DAPK1: variants seen among roughly 807,000 people sequenced by gnomAD.
The protein encoded by DAPK1 is death associated protein kinase 1, also known as death-associated protein kinase 1.
Under a neutral mutation model 144.9 loss-of-function variants are expected in DAPK1, and 56 were observed. That is an observed-to-expected ratio of 0.39 (90% confidence interval 0.31 to 0.48). DAPK1 has a LOEUF of 0.48. Ranked by LOEUF, DAPK1 falls within the 20% of genes least tolerant of loss-of-function variation. DAPK1 has a pLI of 0.95. For synonymous variants in DAPK1, 690 were observed against 749.0 expected (o/e 0.92, Z 1.29); for missense variants, 1,454 against 1,875.4 (o/e 0.78, Z 4.15).
chr9:87,532,335 A>T (rs569637766), intron 2 of DAPK1, among the ~76,000 whole-genome samples: 214 of 152,340 alleles, frequency 1.4e-3, no homozygotes, highest in African/African-American at 5.1e-3. Context: ...ATAAAGTTTT[A>T]CTGGAACACA....
At chr9:87,645,206 A>G (rs1000984375) in intron 11 of DAPK1, among the ~76,000 whole-genome samples, 6 of 152,228 alleles carry the variant, frequency 3.9e-5, no homozygotes, top group Non-Finnish European at 7.3e-5. Flanking sequence ...GAATTTTGAA[A>G]GAGTGGCAAA....
intron 3 of DAPK1, among the ~76,000 whole-genome samples, chr9:87,637,717 CACGGA>C: frequency 6.6e-6 from 1 of 152,330 alleles, no homozygotes; most frequent in East Asian, 1.9e-4. Flanking sequence ...CATTTGTGAA[CACGGA>C]ACCTTAGGAA....
At chr9:87,664,189 A>G (rs1424278327) in intron 18 of DAPK1, among the ~76,000 whole-genome samples, 1 of 152,008 alleles carries the variant, frequency 6.6e-6, no homozygotes, top group Non-Finnish European at 1.5e-5. Context: ...GCCTCTGCCC[A>G]GCCTCCCCTT....
intron 18 of DAPK1, among the ~76,000 whole-genome samples, 168 bp downstream of exon 18, chr9:87,658,295 C>T (rs1830704121): frequency 6.6e-6 from 1 of 152,230 alleles, no homozygotes; most frequent in African/African-American, 2.4e-5. Flanking sequence ...CTACACATGC[C>T]CAGCCTAATG....
intron 2 of DAPK1, among the ~76,000 whole-genome samples, chr9:87,518,097 A>ATGT (rs761493928): frequency 1.4e-5 from 1 of 70,162 alleles, no homozygotes; most frequent in Non-Finnish European, 2.8e-5. Context: ...TTTGCCGTTT[A>ATGT]TGTTGTTGTT....
At chr9:87,523,702 G>T (rs191418538) in intron 2 of DAPK1, among the ~76,000 whole-genome samples, 1 of 152,048 alleles carries the variant, frequency 6.6e-6, no homozygotes, top group Admixed American at 6.5e-5. Flanking sequence ...ATTTATTTTC[G>T]TGTGAAGTGT....
chr9:87,620,851 T>C lies in DAPK1; in HGVS notation c.284+15676T>C, dbSNP rs1213861762. On this transcript the variant is annotated intron_variant, in intron 3 of 25. Transcript: ENST00000408954. ...CCGCCTTTTGTTCCAGTGCCAGTTA[T>C]AATTACCCAGGCTGAAGAGATGCCT... 3.3e-5 allele frequency among the ~76,000 whole-genome samples: 5 copies of C among 152,318 alleles called. No individual in the cohort carries two copies. The East Asian group carries it at 5.8e-4, about 18-fold the overall frequency.
At chr9:87,560,501 C>T (rs1275015648) in intron 2 of DAPK1, among the ~76,000 whole-genome samples, 1 of 152,092 alleles carries the variant, frequency 6.6e-6, no homozygotes, top group African/African-American at 2.4e-5. Flanking sequence ...CCCCCTTCCC[C>T]TACCCCTTGG....
At chr9:87,534,357 G>T (rs10868617) in intron 2 of DAPK1, among the ~76,000 whole-genome samples, 1 of 151,436 alleles carries the variant, frequency 6.6e-6, no homozygotes, top group Non-Finnish European at 1.5e-5. Context: ...CTCAAGGGCA[G>T]GGGTACCACA....
At chr9:87,580,853 G>A (rs1348613182) in intron 2 of DAPK1, among the ~76,000 whole-genome samples, 1 of 152,196 alleles carries the variant, frequency 6.6e-6, no homozygotes, top group South Asian at 2.1e-4. Context: ...GAGAAGCAGT[G>A]CTCTGAGTAT....
chr9:87,706,127 C>G lies in DAPK1; in HGVS notation c.3061-5C>G, dbSNP rs769245245. 6.3e-7 allele frequency: 1 copy of G among 1,576,030 alleles called. No homozygotes were observed. Among genetic ancestry groups the G allele is most frequent in the African/African-American group, 1.3e-5 (1 of 74,288 alleles). On this transcript the variant is annotated splice_region_variant and splice_polypyrimidine_tract_variant and intron_variant, in intron 25 of 25. Coordinates refer to ENST00000408954, the MANE Select transcript of DAPK1 (RefSeq NM_004938.4). The surrounding 1 kb of genome is among the most constrained non-coding windows in gnomAD (Gnocchi z 9.0). Reference sequence around the variant, plus strand: ...TAAGCGTGACTTTCTGTTGTCCCCCCGCAGATCAACATCATGCAAAGTGAA... The same window carrying G: ...TAAGCGTGACTTTCTGTTGTCCCCCGGCAGATCAACATCATGCAAAGTGAA...
In DAPK1 at chr9:87,706,558, G is replaced by A; in HGVS notation, c.3487G>A (p.Gly1163Ser). 1 of 1,613,862 alleles carries A rather than the reference G, an allele frequency of 6.2e-7. No homozygotes were observed. The highest frequency in any genetic ancestry group is 8.5e-7 in the Non-Finnish European group (1 of 1,179,748). ...GTGGATCCACCAGCAAAGCACAGAG[G>A]GCGACGCGGACATCCGCCTGTGGGT... ...CRWIHQQSTE[G>S]DADIRLWVNG... Residue 1163 changes from glycine (G) to serine (S), a missense_variant, in exon 26 of 26, where the codon GGC becomes AGC. Physicochemically the swap from Gly to Ser is moderately conservative, Grantham distance 56. This residue lies in a region of DAPK1 where 1,025 missense variants were observed against 1,237.9 expected (regional missense o/e 0.83). Coordinates refer to ENST00000408954, the MANE Select transcript of DAPK1 (RefSeq NM_004938.4). This position sits in a 1 kb window ranked among gnomAD's most constrained non-coding sequence, Gnocchi z 9.0.
rs1564044116 is a variant in DAPK1 at position 87,647,324 on chromosome 9, A to C, written c.1250A>C (p.Tyr417Ser). 12 of 1,614,174 alleles carry C rather than the reference A, an allele frequency of 7.4e-6. No homozygotes were observed. The highest frequency in any genetic ancestry group is 1.0e-5 in the Non-Finnish European group (12 of 1,180,016). The stretch of plus-strand genomic sequence containing the variant: ...CTGCAGGGCGGGTCCAATGCCGTCT[A>C]CTGGGCTGCTCGGCATGGCCACGTC... ...VQDKGGSNAV[Y>S]WAARHGHVDT... The change falls in exon 14 of 26, where the codon TAC (tyrosine) becomes TCC (serine). Residue 417 changes from tyrosine to serine, a missense_variant. Physicochemically the swap from Tyr to Ser is moderately radical, Grantham distance 144. This residue lies in a region of DAPK1 where 429 missense variants were observed against 637.5 expected (regional missense o/e 0.67). Transcript: ENST00000408954.
At chr9:87,564,263 G>A (rs75919075) in intron 2 of DAPK1, among the ~76,000 whole-genome samples, 2,982 of 152,236 alleles carry the variant, frequency 0.02, 60 homozygotes, top group Admixed American at 0.049. Flanking sequence ...GGGTTATTGG[G>A]TGACAAGGCA....
At chr9:87,592,246 A>C (rs1828164112) in intron 2 of DAPK1, among the ~76,000 whole-genome samples, 1 of 152,200 alleles carries the variant, frequency 6.6e-6, no homozygotes, top group Admixed American at 6.5e-5. Context: ...GAGGAAACCC[A>C]GCAAGAGGAA....
rs539755001 is a variant in DAPK1 at position 87,634,116 on chromosome 9, T to G, written c.285-3827T>G. 7.4e-4 allele frequency among the ~76,000 whole-genome samples: 112 copies of G among 152,348 alleles called. 1 individual carries two copies. The highest frequency in any genetic ancestry group is 2.4e-3 in the Admixed American group (37 of 15,304). ...ACCTATTTTTTAACTAAAGTTTTAT[T>G]GGAACACAGCCACACCCATCATGTA... On this transcript the variant is annotated intron_variant, in intron 3 of 25. Coordinates refer to ENST00000408954, the MANE Select transcript of DAPK1 (RefSeq NM_004938.4).
chr9:87,580,778 A>G (rs1408019971), intron 2 of DAPK1, among the ~76,000 whole-genome samples: 3 of 152,216 alleles, frequency 2.0e-5, no homozygotes, highest in Non-Finnish European at 4.4e-5. Context: ...TAAAGAAGAC[A>G]TATACGAGTC....
At chr9:87,545,026 A>G (rs1294790065) in intron 2 of DAPK1, among the ~76,000 whole-genome samples, 2 of 152,118 alleles carry the variant, frequency 1.3e-5, no homozygotes, top group African/African-American at 4.8e-5. Context: ...TCCCCACACA[A>G]TCTAGGTTAC....
intron 2 of DAPK1, among the ~76,000 whole-genome samples, chr9:87,559,091 G>C (rs1398336651): frequency 1.3e-5 from 2 of 152,194 alleles, no homozygotes; most frequent in East Asian, 3.9e-4. Flanking sequence ...GTTGGCATTC[G>C]TAGAGCCTGT....
Sources: gnomAD v4.1 joint callset for allele counts (sites outside exome capture counted in the v4.1 genomes callset) on GRCh38, gnomAD v4.1.1 for gene constraint, gnomAD v4.1.1 regional missense constraint, Gnocchi (gnomAD v3.1) non-coding constraint, MANE v1.5 for transcripts, NCBI Gene and HGNC (gene_info 2026-07-23, HGNC 2026-07-21) for gene names.